SLC25A26: variants seen among roughly 807,000 people sequenced by gnomAD.
SLC25A26 encodes the protein solute carrier family 25 member 26.
Under a neutral mutation model 37.8 loss-of-function variants are expected in SLC25A26, and 36 were observed. That is an observed-to-expected ratio of 0.95 (90% confidence interval 0.73 to 1.26). SLC25A26 has a LOEUF of 1.26. Among genes scored for constraint, SLC25A26 ranks in the 50% most tolerant of loss-of-function variants. The pLI is 0.00. For synonymous variants in SLC25A26, 129 were observed against 122.5 expected (o/e 1.05, Z -0.35); for missense variants, 390 against 331.1 (o/e 1.18, Z -1.38).
At chr3:66,261,071 C>T (rs1485493825) in intron 3 of SLC25A26, among the ~76,000 whole-genome samples, 1 of 152,200 alleles carries the variant, frequency 6.6e-6, no homozygotes, top group Non-Finnish European at 1.5e-5. Flanking sequence ...TCTTACATTT[C>T]TTGCAGGCTG....
chr3:66,266,146 T>C (rs1335348143), intron 5 of SLC25A26, among the ~76,000 whole-genome samples: 1 of 140,984 alleles, frequency 7.1e-6, no homozygotes, highest in Non-Finnish European at 1.5e-5. Flanking sequence ...TTAATTGAGG[T>C]CTTCTGCATT....
intron 1 of SLC25A26, among the ~76,000 whole-genome samples, chr3:66,134,186 C>G (rs141112579): frequency 6.6e-6 from 1 of 152,310 alleles, no homozygotes; most frequent in African/African-American, 2.4e-5. Context: ...CATTTAAACA[C>G]AGATATCCTG....
chr3:66,267,991 CAT>C (rs1397795882), intron 5 of SLC25A26, among the ~76,000 whole-genome samples: 2 of 152,184 alleles, frequency 1.3e-5, no homozygotes, highest in East Asian at 3.9e-4. Context: ...CCCGAACACT[CAT>C]GTTATATAAG....
chr3:66,314,260 C>T (rs1465667427), intron 5 of SLC25A26, among the ~76,000 whole-genome samples: 5 of 152,004 alleles, frequency 3.3e-5, no homozygotes, highest in African/African-American at 1.2e-4. Context: ...TGGGTTTGTC[C>T]TGTATAGCTC....
chr3:66,372,380 C>A (rs897422342), intron 9 of SLC25A26, among the ~76,000 whole-genome samples: 3 of 152,140 alleles, frequency 2.0e-5, no homozygotes, highest in African/African-American at 7.2e-5. Flanking sequence ...CCCATGGCCC[C>A]AAAAGCTGGT....
chr3:66,278,538 C>T (rs1018479160), intron 5 of SLC25A26, among the ~76,000 whole-genome samples: 3 of 151,978 alleles, frequency 2.0e-5, no homozygotes, highest in African/African-American at 7.2e-5. Flanking sequence ...TAAAATTTGT[C>T]AGTAGATAAA....
intron 5 of SLC25A26, among the ~76,000 whole-genome samples, chr3:66,267,893 A>G (rs13071831): frequency 0.16 from 24,189 of 152,218 alleles, 2,497 homozygotes; most frequent in Non-Finnish European, 0.23. Context: ...CAGTGGCTGG[A>G]AACGGGAACC....
intron 1 of SLC25A26, among the ~76,000 whole-genome samples, chr3:66,225,890 C>G (rs1466868327): frequency 1.3e-5 from 2 of 152,142 alleles, no homozygotes; most frequent in African/African-American, 2.4e-5. Flanking sequence ...CCATCTGAGT[C>G]CACTTCAGCC....
chr3:66,277,202 A>G (rs1402114407), intron 5 of SLC25A26, among the ~76,000 whole-genome samples: 7 of 152,118 alleles, frequency 4.6e-5, no homozygotes, highest in Non-Finnish European at 1.0e-4. Flanking sequence ...GTATTGTTCC[A>G]TCTATACCAA....
At chr3:66,166,000 A>T (rs2070420981) in intron 1 of SLC25A26, among the ~76,000 whole-genome samples, 2 of 151,636 alleles carry the variant, frequency 1.3e-5, no homozygotes, top group African/African-American at 4.9e-5. Flanking sequence ...ATCCAGAAAT[A>T]TATTCTCTGA....
intron 1 of SLC25A26, among the ~76,000 whole-genome samples, chr3:66,170,392 C>A (rs1481446365): frequency 6.6e-6 from 1 of 152,124 alleles, no homozygotes; most frequent in Non-Finnish European, 1.5e-5. Flanking sequence ...TAGGACCAAC[C>A]ACTTTGTGTT....
At chr3:66,152,121 G>A (rs76340018) in intron 1 of SLC25A26, among the ~76,000 whole-genome samples, 1 of 152,074 alleles carries the variant, frequency 6.6e-6, no homozygotes, top group African/African-American at 2.4e-5. Context: ...ATCTAAGCAG[G>A]TACTTCTAAA....
At chr3:66,216,221 A>G (rs1412205393), upstream of SLC25A26, among the ~76,000 whole-genome samples, 1 of 152,164 alleles carries the variant, frequency 6.6e-6, no homozygotes, top group Admixed American at 6.5e-5. Flanking sequence ...CGTATTTTTC[A>G]ATAAAAATCA....
chr3:66,255,081 A>T (rs2073247984), intron 3 of SLC25A26, among the ~76,000 whole-genome samples: 1 of 152,176 alleles, frequency 6.6e-6, no homozygotes, highest in South Asian at 2.1e-4. Flanking sequence ...AGTGAGGCCG[A>T]AGTTCACTGG....
intron 1 of SLC25A26, among the ~76,000 whole-genome samples, chr3:66,148,480 A>G (rs1389313101): frequency 2.6e-5 from 4 of 152,166 alleles, no homozygotes; most frequent in South Asian, 2.1e-4. Flanking sequence ...GAAGCACCCT[A>G]GCTTTCCTTT....
intron 3 of SLC25A26, among the ~76,000 whole-genome samples, chr3:66,253,036 C>CCA (rs1249195910): frequency 1.4e-5 from 2 of 138,406 alleles, no homozygotes; most frequent in African/African-American, 2.7e-5. Flanking sequence ...CCCCCCCCCC[C>CCA]ATAAATATGT....
chr3:66,204,880 A>T (rs2071157493), intron 1 of SLC25A26, among the ~76,000 whole-genome samples: 2 of 152,200 alleles, frequency 1.3e-5, no homozygotes, highest in African/African-American at 2.4e-5. Flanking sequence ...ATCAGTCAAC[A>T]TTTTAAACAG....
chr3:66,318,493 T>TG, intron 5 of SLC25A26, among the ~76,000 whole-genome samples: 1 of 152,108 alleles, frequency 6.6e-6, no homozygotes, highest in African/African-American at 2.4e-5. Context: ...TTGCTCTCCA[T>TG]GGGTCATGCC....
At chr3:66,262,434 T>C (rs946088903) in intron 4 of SLC25A26, among the ~76,000 whole-genome samples, 1 of 152,230 alleles carries the variant, frequency 6.6e-6, no homozygotes, top group African/African-American at 2.4e-5. Flanking sequence ...ATTTTAAATA[T>C]GTAAAATGAA....
Sources: allele counts gnomAD v4.1 joint callset (sites outside exome capture counted in the v4.1 genomes callset), GRCh38; gene constraint gnomAD v4.1.1; transcripts MANE v1.5; gene names NCBI Gene and HGNC (gene_info 2026-07-23, HGNC 2026-07-21).